FSTL4: variants seen among roughly 807,000 people sequenced by gnomAD.
FSTL4 encodes the protein follistatin-related protein 4.
In FSTL4, 28 loss-of-function variants were observed where a neutral mutation model predicts 78.2. The observed-to-expected ratio is 0.36, with a 90% confidence interval of 0.27 to 0.49. The LOEUF is 0.49. Ranked by LOEUF, FSTL4 falls within the 20% of genes least tolerant of loss-of-function variation. The probability of loss-of-function intolerance (pLI) is 0.98; values close to 1 mark genes in which losing one functional copy is unlikely to be tolerated. For synonymous variants in FSTL4, 422 were observed against 440.5 expected (o/e 0.96, Z 0.53); for missense variants, 922 against 1,084.9 (o/e 0.85, Z 2.11).
At chr5:133,392,375 G>A (rs1440386768) in intron 4 of FSTL4, among the ~76,000 whole-genome samples, 1 of 152,188 alleles carries the variant, frequency 6.6e-6, no homozygotes, top group African/African-American at 2.4e-5. Context: ...TCTACGGAGA[G>A]TCAGAGGGAT....
the FSTL4 span, among the ~76,000 whole-genome samples, chr5:133,643,583 G>A: frequency 6.6e-6 from 1 of 152,100 alleles, no homozygotes; most frequent in Non-Finnish European, 1.5e-5. Context: ...CTATCACGGT[G>A]GTCCTCTGGA....
the FSTL4 span, among the ~76,000 whole-genome samples, chr5:133,645,062 T>C: frequency 6.6e-6 from 1 of 152,110 alleles, no homozygotes; most frequent in Non-Finnish European, 1.5e-5. Flanking sequence ...CTCATGACCC[T>C]TTGGTTTTTT....
intron 3 of FSTL4, among the ~76,000 whole-genome samples, chr5:133,500,765 A>G (rs1758477810): frequency 6.6e-6 from 1 of 152,206 alleles, no homozygotes; most frequent in Admixed American, 6.5e-5. Context: ...AAGATTTCCT[A>G]TGACTAATTC....
intron 3 of FSTL4, among the ~76,000 whole-genome samples, chr5:133,560,401 A>T (rs1420651029): frequency 6.6e-6 from 1 of 151,812 alleles, no homozygotes; most frequent in African/African-American, 2.4e-5. Flanking sequence ...TTTAAGTCTC[A>T]CTCTATCTCC....
intron 1 of FSTL4, among the ~76,000 whole-genome samples, chr5:133,607,623 T>C (rs1271672657): frequency 6.6e-6 from 1 of 152,200 alleles, no homozygotes; most frequent in Non-Finnish European, 1.5e-5. Flanking sequence ...CTGCCGCCTG[T>C]CTGTTTTGTT....
rs552957507 is a variant in FSTL4, at chr5:133,317,261, G to A, written c.410-609C>T. On this transcript the variant is annotated intron_variant, in intron 4 of 15. Transcript: ENST00000265342. ...ACACAGCTCGTTTTATCCCAGGCGC[G>A]CTTGCTGAACAGCATCAGAACCATG... Among the ~76,000 whole-genome samples, 4 of 152,342 alleles carry A rather than the reference G, an allele frequency of 2.6e-5. No individual in the cohort carries two copies. The South Asian group carries it at 6.2e-4, about 24-fold the overall frequency.
chr5:133,568,301 A>C (rs971687397), intron 2 of FSTL4, among the ~76,000 whole-genome samples: 1 of 152,220 alleles, frequency 6.6e-6, no homozygotes, highest in Non-Finnish European at 1.5e-5. Context: ...CTAGCAACTA[A>C]AGAAGAGAAG....
chr5:133,301,834 G>C (rs1388058233), intron 6 of FSTL4, among the ~76,000 whole-genome samples: 2 of 152,070 alleles, frequency 1.3e-5, no homozygotes, highest in Non-Finnish European at 2.9e-5. Flanking sequence ...TGCAGTGTTG[G>C]AATTCTAGTG....
chr5:133,474,668 C>T (rs1430830873), intron 3 of FSTL4, among the ~76,000 whole-genome samples: 4 of 152,182 alleles, frequency 2.6e-5, no homozygotes, highest in African/African-American at 9.7e-5. Flanking sequence ...AAGGAAAGCA[C>T]ATCTAATTGC....
chr5:133,294,378 T>C (rs1436751219), intron 6 of FSTL4, among the ~76,000 whole-genome samples: 1 of 152,156 alleles, frequency 6.6e-6, no homozygotes, highest in African/African-American at 2.4e-5. Flanking sequence ...GTTCCTCTTC[T>C]GTAAAATGGG....
At chr5:133,356,608 C>T (rs1035881202) in intron 4 of FSTL4, among the ~76,000 whole-genome samples, 11 of 152,150 alleles carry the variant, frequency 7.2e-5, no homozygotes, top group East Asian at 1.9e-4. Context: ...CCCAGGAGCC[C>T]GTTGATGAGT....
chr5:133,639,424 C>T, the FSTL4 span, among the ~76,000 whole-genome samples: 1 of 152,116 alleles, frequency 6.6e-6, no homozygotes, highest in African/African-American at 2.4e-5. Context: ...CTCAAGTGAA[C>T]AAAGAAACTG....
rs1442204908 is a variant in FSTL4, at chr5:133,514,177, TCAA to T, written c.160+53006_160+53008del. ...CTGAGCTAAAGAGCAAGACTCCGTC[TCAA>T]TGATAATAATAATAATAATAATAAT... is the stretch of plus-strand genomic sequence containing the variant. On this transcript the variant is annotated intron_variant, in intron 3 of 15. Transcript: ENST00000265342. Among the ~76,000 whole-genome samples the T allele has an allele frequency of 2.5e-4, 24 of 97,468 alleles. 1 individual carries two copies. The highest frequency in any genetic ancestry group is 4.1e-4 in the Non-Finnish European group (20 of 48,950). The allele number at this position is 97,468 out of a possible 152,430, so 63.9% of individuals were successfully genotyped here. A position where few individuals can be genotyped will look rare whatever the true frequency, so the allele number is the denominator to read the frequency against.
At chr5:133,438,248 C>A (rs1757076697) in intron 3 of FSTL4, among the ~76,000 whole-genome samples, 1 of 152,228 alleles carries the variant, frequency 6.6e-6, no homozygotes, top group South Asian at 2.1e-4. Flanking sequence ...GGATCATAAT[C>A]TTTTGTCCTT....
At chr5:133,272,239 A>G (rs1752782575) in intron 6 of FSTL4, among the ~76,000 whole-genome samples, 1 of 152,244 alleles carries the variant, frequency 6.6e-6, no homozygotes, top group Non-Finnish European at 1.5e-5. Flanking sequence ...AAAATTAATG[A>G]CACGGCCATT....
At chr5:133,457,503 T>G (rs546162447) in intron 3 of FSTL4, among the ~76,000 whole-genome samples, 1 of 152,374 alleles carries the variant, frequency 6.6e-6, no homozygotes, top group East Asian at 1.9e-4. Context: ...TCCTTTCCAC[T>G]TCTGCTGCTT....
chr5:133,494,667 A>C (rs1041327027), intron 3 of FSTL4, among the ~76,000 whole-genome samples: 11 of 152,242 alleles, frequency 7.2e-5, no homozygotes, highest in African/African-American at 2.4e-4. Flanking sequence ...CCATGGGGCT[A>C]AACTGTATGT....
intron 3 of FSTL4, among the ~76,000 whole-genome samples, chr5:133,456,252 A>G (rs1291258174): frequency 6.6e-6 from 1 of 152,186 alleles, no homozygotes; most frequent in African/African-American, 2.4e-5. Context: ...CCCTAGCCCA[A>G]ACCTCCTGGT....
chr5:133,829,507 C>T, the FSTL4 span, among the ~76,000 whole-genome samples: 1 of 152,214 alleles, frequency 6.6e-6, no homozygotes, highest in Non-Finnish European at 1.5e-5. Flanking sequence ...TCAGCACCTG[C>T]TCTATATTGA....
Sources: allele counts gnomAD v4.1 joint callset (sites outside exome capture counted in the v4.1 genomes callset), GRCh38; gene constraint gnomAD v4.1.1; transcripts MANE v1.5; gene names NCBI Gene and HGNC (gene_info 2026-07-23, HGNC 2026-07-21).